Variants in PPP1R14C observed in about 807,000 individuals in gnomAD.
PPP1R14C encodes protein phosphatase 1 regulatory subunit 14C.
PPP1R14C carries 16 observed loss-of-function variants against 20.4 expected under a neutral mutation model. That is an observed-to-expected ratio of 0.78 (90% confidence interval 0.53 to 1.19). The LOEUF (loss-of-function observed/expected upper bound fraction) is 1.19. PPP1R14C is among the 50% of genes most tolerant of loss of function. The pLI, the probability that PPP1R14C is intolerant of heterozygous loss-of-function variation, is 0.00. For synonymous variants in PPP1R14C, 91 were observed against 91.0 expected, an observed-to-expected ratio of 1.00 and a Z score of 0.00; for missense variants, 211 against 220.1, an observed-to-expected ratio of 0.96 and a Z score of 0.26.
intron 1 of PPP1R14C, among the ~76,000 whole-genome samples, chr6:150,193,331 A>G (rs560480281): frequency 6.6e-6 from 1 of 151,972 alleles, no homozygotes; most frequent in Admixed American, 6.6e-5. Context: ...GCTACACTAG[A>G]TGGAAAGTTG....
chr6:150,144,848 AC>A (rs1365678317), intron 1 of PPP1R14C, among the ~76,000 whole-genome samples: 1 of 152,254 alleles, frequency 6.6e-6, no homozygotes, highest in Admixed American at 6.5e-5. Context: ...AAACTGGCAA[AC>A]ATAAGAAGTA....
intron 1 of PPP1R14C, among the ~76,000 whole-genome samples, chr6:150,191,375 C>G (rs1777744372): frequency 6.6e-6 from 1 of 152,228 alleles, no homozygotes; most frequent in Non-Finnish European, 1.5e-5. Context: ...TGGAACAATG[C>G]CTGGCATATA....
At chr6:150,167,943 GTTCTCCCCTT>G (rs1777442382) in intron 1 of PPP1R14C, among the ~76,000 whole-genome samples, 1 of 9,964 alleles carries the variant, frequency 1.0e-4, no homozygotes, top group African/African-American at 4.0e-4. Flanking sequence ...CCATGTCTCC[GTTCTCCCCTT>G]CTCTCCTCCC....
At chr6:150,239,048 A>C (rs1334767817) in intron 3 of PPP1R14C, among the ~76,000 whole-genome samples, 3 of 152,158 alleles carry the variant, frequency 2.0e-5, no homozygotes, top group Admixed American at 6.5e-5. Flanking sequence ...CCTATTAGCC[A>C]GGGACTGAAA....
intron 1 of PPP1R14C, among the ~76,000 whole-genome samples, chr6:150,205,583 A>T: frequency 6.6e-6 from 1 of 152,090 alleles, no homozygotes; most frequent in Non-Finnish European, 1.5e-5. Context: ...ACTTGATGTC[A>T]GGAGTTTGAG....
intron 1 of PPP1R14C, among the ~76,000 whole-genome samples, chr6:150,169,484 T>C (rs1777473941): frequency 6.6e-6 from 1 of 152,218 alleles, no homozygotes; most frequent in Non-Finnish European, 1.5e-5. Context: ...CTTCTCTGTA[T>C]ATGGCAGAAA....
In PPP1R14C at chr6:150,249,233, A is replaced by G. The variant is rs1455915567; in HGVS notation, c.*413A>G. On this transcript the variant is annotated 3_prime_UTR_variant, in exon 4 of 4. Coordinates refer to ENST00000361131, the MANE Select transcript of PPP1R14C (RefSeq NM_030949.3). ...AAGTTGTACATTTGACTCAGCTGTC[A>G]AATTTCTCACACTTGTATATATCTA... 2 of 399,614 alleles carry G rather than the reference A, an allele frequency of 5.0e-6. No homozygotes were observed. Among genetic ancestry groups the G allele is most frequent in the Non-Finnish European group, 8.8e-6 (2 of 226,918 alleles). 24.8% of individuals were successfully genotyped at this position (399,614 alleles called of 1,614,324 possible). A position where few individuals can be genotyped will look rare whatever the true frequency, so the allele number is the denominator to read the frequency against.
intron 3 of PPP1R14C, among the ~76,000 whole-genome samples, chr6:150,233,027 T>C (rs1778311958): frequency 6.6e-6 from 1 of 152,302 alleles, no homozygotes; most frequent in African/African-American, 2.4e-5. Flanking sequence ...CTTTTGGTCA[T>C]TTGAGACTGA....
intron 1 of PPP1R14C, among the ~76,000 whole-genome samples, chr6:150,184,535 C>T (rs1172451713): frequency 6.6e-6 from 1 of 151,890 alleles, no homozygotes; most frequent in Non-Finnish European, 1.5e-5. Context: ...CCCTTTTGTC[C>T]CCTCCCCCAC....
chr6:150,179,404 AAGAG>A (rs1166103443), intron 1 of PPP1R14C, among the ~76,000 whole-genome samples: 3 of 137,930 alleles, frequency 2.2e-5, no homozygotes, highest in East Asian at 4.8e-4. Flanking sequence ...GAAAGAGAGA[AAGAG>A]AGAGAGAGAG....
chr6:150,173,067 A>G (rs981351987), intron 1 of PPP1R14C, among the ~76,000 whole-genome samples: 3 of 152,118 alleles, frequency 2.0e-5, no homozygotes, highest in African/African-American at 7.2e-5. Flanking sequence ...CAGATTTGCA[A>G]AGAAAGCACA....
intron 3 of PPP1R14C, among the ~76,000 whole-genome samples, chr6:150,218,041 C>T (rs1328541863): frequency 6.6e-6 from 1 of 152,040 alleles, no homozygotes; most frequent in Admixed American, 6.6e-5. Flanking sequence ...ACCTGTAATC[C>T]CAGGCCAATC....
At chr6:150,209,590 TTGTG>T (rs1375096045) in intron 1 of PPP1R14C, among the ~76,000 whole-genome samples, 3 of 146,716 alleles carry the variant, frequency 2.0e-5, no homozygotes, top group East Asian at 2.1e-4. Context: ...GTGTATATAT[TTGTG>T]TGTGTGTATG....
At chr6:150,159,354 A>C (rs1777339676) in intron 1 of PPP1R14C, among the ~76,000 whole-genome samples, 1 of 152,148 alleles carries the variant, frequency 6.6e-6, no homozygotes, top group Non-Finnish European at 1.5e-5. Context: ...CATTTTGTCA[A>C]CTTCTGTGCC....
chr6:150,153,071 C>G (rs1490550275), intron 1 of PPP1R14C, among the ~76,000 whole-genome samples: 5 of 152,178 alleles, frequency 3.3e-5, no homozygotes, highest in Admixed American at 2.0e-4. Context: ...ACCTGTAGAC[C>G]AGGAGGAGGA....
At chr6:150,157,964 A>C (rs1439458254) in intron 1 of PPP1R14C, among the ~76,000 whole-genome samples, 2 of 152,206 alleles carry the variant, frequency 1.3e-5, no homozygotes, top group Non-Finnish European at 2.9e-5. Context: ...TAGCAGAGAC[A>C]TTGCCTTCTA....
chr6:150,208,057 C>T (rs1535148), intron 1 of PPP1R14C, among the ~76,000 whole-genome samples: 8,923 of 152,238 alleles, frequency 0.059, 358 homozygotes, highest in African/African-American at 0.095. Context: ...TGAGAACCAA[C>T]TCAGTCTCTA....
At position 150,243,615 on chromosome 6, in the gene PPP1R14C, A is replaced by G. The variant is rs184894436; in HGVS notation, c.424-5131A>G. 9.9e-4 allele frequency among the ~76,000 whole-genome samples: 151 copies of G among 152,364 alleles called. 2 individuals are homozygous for G. Among genetic ancestry groups the G allele is most frequent in the African/African-American group, 3.4e-3 (143 of 41,588 alleles). On this transcript the variant is annotated intron_variant, in intron 3 of 3. Coordinates refer to ENST00000361131, the MANE Select transcript of PPP1R14C (RefSeq NM_030949.3). ...TCTGTACTTTTTAAGACAATATGGT[A>G]TGGGTATAAACATAGACAAATAAAT...
intron 1 of PPP1R14C, among the ~76,000 whole-genome samples, chr6:150,195,636 A>T (rs1482184947): frequency 6.6e-6 from 1 of 152,212 alleles, no homozygotes; most frequent in Non-Finnish European, 1.5e-5. Flanking sequence ...CACCATGCTC[A>T]GCCCCTTGTT....
Sources: gnomAD v4.1 joint callset for allele counts (sites outside exome capture counted in the v4.1 genomes callset) on GRCh38, gnomAD v4.1.1 for gene constraint, MANE v1.5 for transcripts, NCBI Gene and HGNC (gene_info 2026-07-23, HGNC 2026-07-21) for gene names.